The following ZNF816 variants were observed in gnomAD, a reference collection of about 807,000 sequenced individuals.
ZNF816 encodes zinc finger protein 816A.
Under a neutral mutation model 8.3 loss-of-function variants are expected in ZNF816, and 11 were observed. The observed-to-expected ratio is 1.32, with a 90% CI of 0.83 to 2.19. The LOEUF (loss-of-function observed/expected upper bound fraction) is 2.19. Among genes scored for constraint, ZNF816 ranks in the 30% most tolerant of loss-of-function variants. The pLI, the probability that ZNF816 is intolerant of heterozygous loss-of-function variation, is 0.00. For missense variants in ZNF816, 710 were observed against 779.3 expected (o/e 0.91, Z 1.06); for synonymous variants, 255 against 254.5 (o/e 1.00, Z -0.02).
In ZNF816 at chr19:52,957,407, G is replaced by A. The variant is rs894928527; in HGVS notation, c.-15-1303C>T. Among the ~76,000 whole-genome samples, 6 of 152,114 alleles carry A rather than the reference G, an allele frequency of 3.9e-5. No homozygotes were observed. The highest frequency in any genetic ancestry group is 5.9e-5 in the Non-Finnish European group (4 of 68,024). On this transcript the variant is annotated intron_variant, in intron 1 of 3. Transcript: ENST00000444460. The surrounding 1 kb of genome is among the most constrained non-coding windows in gnomAD (Gnocchi z 4.6). ...CATCCGAACTTGCAGTGTAACCAGTGTGCTTACTGTAAAGAAATAGGATAT... is the reference window on the plus strand; with the variant it reads ...CATCCGAACTTGCAGTGTAACCAGTATGCTTACTGTAAAGAAATAGGATAT...
Position 52,950,691 on chromosome 19 carries a change from T to C in ZNF816, c.1084A>G (p.Ile362Val), listed in dbSNP as rs748387577. The C allele has an allele frequency of 8.1e-6, 13 of 1,612,744 alleles. No individual in the cohort carries two copies. The highest frequency in any genetic ancestry group is 8.5e-6 in the Non-Finnish European group (10 of 1,179,680). The change falls in exon 4 of 4, where the codon ATT becomes GTT. Residue 362 changes from isoleucine (I) to valine (V), a missense_variant. Coordinates refer to ENST00000444460, the MANE Select transcript of ZNF816 (RefSeq NM_001202457.3). ...TTGTAAGGTTTCTCTCCAGTATGAA[T>C]TGCCTTATGAATTACAAGGGCTGAA... is the stretch of plus-strand genomic sequence containing the variant. ...RNSALVIHKAIHTGEKPYKCN... is the reference protein window; with the variant it reads ...RNSALVIHKAVHTGEKPYKCN...
chr19:52,952,542 C>T (rs1420128659), intron 3 of ZNF816: 14 of 846,786 alleles, frequency 1.7e-5, no homozygotes, highest in Non-Finnish European at 2.3e-5. Context: ...TCAAAGTGTT[C>T]GTGAATTTTC....
intron 3 of ZNF816, chr19:52,952,538 T>G (rs1027884868): frequency 2.5e-6 from 2 of 806,568 alleles, no homozygotes; most frequent in Admixed American, 3.1e-5. Flanking sequence ...TTAGTCAAAG[T>G]GTTCGTGAAT....
chr19:52,960,101 G>A (rs534334167), intron 1 of ZNF816: 14 of 165,018 alleles, frequency 8.5e-5, no homozygotes, highest in African/African-American at 3.4e-4. Flanking sequence ...GGAGTCACTT[G>A]AACAGTTGTT....
At position 52,950,754 on chromosome 19, in the gene ZNF816, AAG is replaced by A. The variant is rs751199845; in HGVS notation, c.1019_1020del (p.Pro340LeufsTer4). 38 of 1,613,844 alleles carry A rather than the reference AAG, an allele frequency of 2.4e-5. No homozygotes were observed. In the African/African-American group the frequency reaches 4.1e-4, roughly 18 times the overall value. On this transcript the variant is annotated frameshift_variant, in exon 4 of 4. Coordinates refer to ENST00000444460, the MANE Select transcript of ZNF816 (RefSeq NM_001202457.3). LOFTEE classifies it low-confidence loss of function (END_TRUNC). ...CHRRLHTGEK[P>X]YKCNECGKTF... ...GTCTTGCCACACTCATTACACTTGTAAGGTTTCTCTCCAGTATGAAGTCTACG... is the reference window on the plus strand; with the variant it reads ...GTCTTGCCACACTCATTACACTTGTAGTTTCTCTCCAGTATGAAGTCTACG...
At chr19:52,960,636 C>T (rs1340541978) in intron 1 of ZNF816, among the ~76,000 whole-genome samples, 1 of 152,178 alleles carries the variant, frequency 6.6e-6, no homozygotes, top group Admixed American at 6.5e-5. Flanking sequence ...TTAGCTTATT[C>T]TCCCCAGTTC....
In ZNF816 at chr19:52,956,083, G is replaced by T; in HGVS notation, c.7C>A (p.Arg3Ser). ML[R>S]EEATKKSKEK... is the part of the protein sequence containing the mutation. ...TTGCTCTTCTTGGTGGCTTCCTCAC[G>T]TAACATGAGTCTTTGGAAATCCTGT... is the stretch of plus-strand genomic sequence containing the variant. Residue 3 changes from arginine (R) to serine (S), a missense_variant, in exon 2 of 4, where the codon CGT becomes AGT. Coordinates refer to ENST00000444460, the MANE Select transcript of ZNF816 (RefSeq NM_001202457.3). The T allele has an allele frequency of 1.2e-6, 2 of 1,610,186 alleles. No individual in the cohort carries two copies. Among genetic ancestry groups the T allele is most frequent in the Non-Finnish European group, 1.7e-6 (2 of 1,179,030 alleles).
In ZNF816 at chr19:52,951,018, T is replaced by C. The variant is rs371677679; in HGVS notation, c.757A>G (p.Arg253Gly). ...ACATCACATTTATATTCTCTCTCTC[T>C]TGAATGGGTTATGTGGTGTCTCCTT... Reference protein sequence around the residue: ...LLRRHHITHSREREYKCDVCG... With the variant: ...LLRRHHITHSGEREYKCDVCG... The change falls in exon 4 of 4, where the codon AGA (arginine) becomes GGA (glycine). Residue 253 changes from arginine (R) to glycine (G), a missense_variant. Coordinates refer to ENST00000444460, the MANE Select transcript of ZNF816 (RefSeq NM_001202457.3). 9.9e-6 allele frequency: 16 copies of C among 1,613,982 alleles called. No individual in the cohort carries two copies. In the African/African-American group the frequency reaches 1.5e-4, roughly 15 times the overall value.
intron 1 of ZNF816, among the ~76,000 whole-genome samples, chr19:52,956,585 C>T (rs966345371): frequency 1.3e-5 from 2 of 152,144 alleles, no homozygotes; most frequent in Non-Finnish European, 2.9e-5. Flanking sequence ...TTTGGGAGGC[C>T]GATGCAGCTG....
chr19:52,956,457 G>A lies in ZNF816; in HGVS notation c.-15-353C>T, dbSNP rs547261580. Among the ~76,000 whole-genome samples the A allele has an allele frequency of 4.6e-5, 7 of 152,316 alleles. No individual in the cohort carries two copies. The South Asian group carries it at 1.0e-3, about 23-fold the overall frequency. ...CTCTCAACATGGAGGAAACTTCCTT[G>A]ATGTTTAATGCTGGACACAGATAAG... is the stretch of plus-strand genomic sequence containing the variant. On this transcript the variant is annotated intron_variant, in intron 1 of 3. Transcript: ENST00000444460.
intron 1 of ZNF816, among the ~76,000 whole-genome samples, chr19:52,958,107 T>A (rs960951748): frequency 1.3e-5 from 2 of 152,112 alleles, no homozygotes; most frequent in Admixed American, 6.5e-5. Context: ...CTTGAAAGTA[T>A]CCAGGTCCAT....
rs1421388909 is a variant in ZNF816 at position 52,949,955 on chromosome 19, C to A, written c.1820G>T (p.Ser607Ile). 8 of 1,613,482 alleles carry A rather than the reference C, an allele frequency of 5.0e-6. No individual in the cohort carries two copies. In the African/African-American group the frequency reaches 1.1e-4, roughly 22 times the overall value. The change falls in exon 4 of 4, where the codon AGC becomes ATC. Residue 607 changes from serine to isoleucine, a missense_variant. Coordinates refer to ENST00000444460, the MANE Select transcript of ZNF816 (RefSeq NM_001202457.3). ...ECGKVFNQKA[S>I]LAKHQRVHTA... ...ATGAACTCTCTGATGTTTTGCAAGG[C>A]TTGCTTTTTGATTAAAAACCTTGCC...
At position 52,951,009 on chromosome 19, in the gene ZNF816, C is replaced by G. The variant is rs571423535; in HGVS notation, c.766G>C (p.Glu256Gln). The G allele has an allele frequency of 1.3e-4, 214 of 1,614,026 alleles. 1 individual carries two copies. The South Asian group carries it at 1.7e-3, about 13-fold the overall frequency. The part of the protein sequence containing the change: ...RHHITHSRER[E>Q]YKCDVCGKIF... ...TTGCCACATACATCACATTTATATT[C>G]TCTCTCTCTTGAATGGGTTATGTGG... The change falls in exon 4 of 4, where the codon GAA becomes CAA. Residue 256 changes from glutamate (E) to glutamine (Q), a missense_variant. Coordinates refer to ENST00000444460, the MANE Select transcript of ZNF816 (RefSeq NM_001202457.3).
chr19:52,960,085 AG>A (rs2083543306), intron 1 of ZNF816: 1 of 157,876 alleles, frequency 6.3e-6, no homozygotes, highest in Non-Finnish European at 1.4e-5. Flanking sequence ...CCACCCATCT[AG>A]GTCAGGAGTC....
chr19:52,958,125 G>C (rs1194819771), intron 1 of ZNF816, among the ~76,000 whole-genome samples: 1 of 152,164 alleles, frequency 6.6e-6, no homozygotes. Flanking sequence ...CATCTCAAGA[G>C]CCTGAGAGCC....
chr19:52,961,321 T>G (rs1055814977), intron 1 of ZNF816, among the ~76,000 whole-genome samples: 1 of 152,238 alleles, frequency 6.6e-6, no homozygotes, highest in Non-Finnish European at 1.5e-5. Flanking sequence ...AATTTGATGC[T>G]TGTGCAGCCA....
chr19:52,952,996 T>G (rs2122147390), intron 2 of ZNF816, 119 bp from the exon 3 acceptor site: 1 of 1,447,082 alleles, frequency 6.9e-7, no homozygotes, highest in Non-Finnish European at 9.1e-7. Flanking sequence ...CTGACAAATT[T>G]ATGTTAAGGT....
rs1228579331 is a variant in ZNF816, at chr19:52,951,433, CTCAAAGTGATGAATA to C, written c.327_341del (p.Asp109_Phe113del). The C allele has an allele frequency of 1.2e-6, 2 of 1,613,930 alleles. No homozygotes were observed. The highest frequency in any genetic ancestry group is 1.3e-5 in the African/African-American group (1 of 74,920). ...TTCTTTCAACTTCTTGCCACTGAAACTCAAAGTGATGAATATCTTTCTTCATTTCTGGGAAGCAAA... is the reference window on the plus strand; with the variant it reads ...TTCTTTCAACTTCTTGCCACTGAAACTCTTTCTTCATTTCTGGGAAGCAAA... On this transcript the variant is annotated inframe_deletion, in exon 4 of 4. Transcript: ENST00000444460.
chr19:52,950,783 TG>T lies in ZNF816; in HGVS notation c.991del (p.His331IlefsTer27). On this transcript the variant is annotated frameshift_variant, in exon 4 of 4. Coordinates refer to ENST00000444460, the MANE Select transcript of ZNF816 (RefSeq NM_001202457.3). LOFTEE classifies it low-confidence loss of function (END_TRUNC). The part of the protein sequence containing the change: ...TFSEKSSLRC[H>X]RRLHTGEKPY... ...TTTCTCTCCAGTATGAAGTCTACGATGGCATCTAAGGGATGACTTCTCACTG... is the reference window on the plus strand; with the variant it reads ...TTTCTCTCCAGTATGAAGTCTACGATGCATCTAAGGGATGACTTCTCACTG... 2 of 1,613,652 alleles carry T rather than the reference TG, an allele frequency of 1.2e-6. No individual in the cohort carries two copies. The highest frequency in any genetic ancestry group is 1.7e-6 in the Non-Finnish European group (2 of 1,180,024).
Sources: allele counts gnomAD v4.1 joint callset (sites outside exome capture counted in the v4.1 genomes callset), GRCh38; gene constraint gnomAD v4.1.1; non-coding constraint Gnocchi (gnomAD v3.1); transcripts MANE v1.5; gene names NCBI Gene and HGNC (gene_info 2026-07-23, HGNC 2026-07-21).